The following RTF1 variants were observed in gnomAD, a reference collection of about 807,000 sequenced individuals.
RTF1 encodes the protein RNA polymerase-associated protein RTF1 homolog.
Under a neutral mutation model 95.7 loss-of-function variants are expected in RTF1, and 10 were observed. That is an observed-to-expected ratio of 0.10 (90% confidence interval 0.06 to 0.18). RTF1 has a LOEUF of 0.18. Ranked by LOEUF, RTF1 falls within the 10% of genes least tolerant of loss-of-function variation. The pLI, the probability that RTF1 is intolerant of heterozygous loss-of-function variation, is 1.00. For synonymous variants in RTF1, 305 were observed against 311.8 expected, an observed-to-expected ratio of 0.98 and a Z score of 0.23; for missense variants, 458 against 875.6, an observed-to-expected ratio of 0.52 and a Z score of 6.02.
intron 1 of RTF1, among the ~76,000 whole-genome samples, chr15:41,418,784 C>T (rs895260685): frequency 1.9e-5 from 1 of 52,854 alleles, no homozygotes; most frequent in African/African-American, 6.3e-5. Context: ...AACTCCATCA[C>T]AAAAAAAAAA....
Position 41,476,437 on chromosome 15 carries a change from C to T in RTF1, c.1483-9C>T. 6.2e-7 allele frequency: 1 copy of T among 1,612,212 alleles called. No individual in the cohort carries two copies. Among genetic ancestry groups the T allele is most frequent in the Non-Finnish European group, 8.5e-7 (1 of 1,178,454 alleles). ...ATACCTCACTGCTGGTATCTCCTCT[C>T]TGGTACAGATTGTAAAAGAGAAAGA... On this transcript the variant is annotated splice_polypyrimidine_tract_variant and intron_variant, in intron 11 of 17. Transcript: ENST00000389629.
intron 10 of RTF1, 45 bp from the exon 11 acceptor site, chr15:41,475,667 T>C (rs900705094): frequency 2.5e-6 from 4 of 1,602,118 alleles, no homozygotes; most frequent in East Asian, 2.2e-5. Context: ...AAAATATCTT[T>C]CCAAAATCCC....
At chr15:41,420,667 A>G (rs2140943022) in intron 1 of RTF1, among the ~76,000 whole-genome samples, 1 of 152,180 alleles carries the variant, frequency 6.6e-6, no homozygotes, top group African/African-American at 2.4e-5. Flanking sequence ...CTGAGCCATT[A>G]TGTCAAAAAT....
At chr15:41,422,499 T>C (rs1342957434) in intron 1 of RTF1, among the ~76,000 whole-genome samples, 2 of 152,146 alleles carry the variant, frequency 1.3e-5, no homozygotes, top group Non-Finnish European at 2.9e-5. Context: ...TATGGAATAA[T>C]ATTTATGCAG....
At chr15:41,478,714 A>G (rs2050954896) in intron 15 of RTF1, 89 bp downstream of exon 15, 2 of 1,170,500 alleles carry the variant, frequency 1.7e-6, no homozygotes, top group African/African-American at 1.5e-5. Context: ...GAAGTTAAAA[A>G]TAATGTTTTC....
rs1237000511 is a variant in RTF1 at position 41,417,185 on chromosome 15, G to C, written c.70G>C (p.Gly24Arg). The C allele has an allele frequency of 1.2e-5, 15 of 1,263,672 alleles. No homozygotes were observed. Among genetic ancestry groups the C allele is most frequent in the Non-Finnish European group, 1.4e-5 (14 of 1,000,140 alleles). The allele number at this position is 1,263,672 out of a possible 1,614,324, so 78.3% of individuals were successfully genotyped here. A position where few individuals can be genotyped will look rare whatever the true frequency, so the allele number is the denominator to read the frequency against. Residue 24 changes from glycine (G) to arginine (R), a missense_variant, in exon 1 of 18, where the codon GGG becomes CGG. By Grantham distance (125) the Gly-to-Arg change is moderately radical. Coordinates refer to ENST00000389629, the MANE Select transcript of RTF1 (RefSeq NM_015138.5). ...GGCAGTGGCGGTCCCACTGGCAGGC[G>C]GGCAAGAGGGGAGTCCGGGCGGCGG... ...AAAVAVPLAG[G>R]QEGSPGGGRR... is the part of the protein sequence containing the mutation.
At chr15:41,456,130 C>T (rs139035607) in intron 3 of RTF1, among the ~76,000 whole-genome samples, 5 of 149,536 alleles carry the variant, frequency 3.3e-5, no homozygotes, top group Non-Finnish European at 7.4e-5. Context: ...TGCTTGAACC[C>T]GAGAGGTAGA....
chr15:41,468,982 T>C (rs2050895697), intron 6 of RTF1, among the ~76,000 whole-genome samples: 1 of 152,160 alleles, frequency 6.6e-6, no homozygotes, highest in South Asian at 2.1e-4. Context: ...CTCTCTCTCT[T>C]TTTTGAGACA....
intron 8 of RTF1, among the ~76,000 whole-genome samples, chr15:41,472,071 G>C (rs2050915011): frequency 6.6e-6 from 1 of 151,442 alleles, no homozygotes; most frequent in African/African-American, 2.4e-5. Context: ...GCTAATTTTT[G>C]TATTTTTAGT....
intron 1 of RTF1, among the ~76,000 whole-genome samples, chr15:41,436,920 C>G (rs1297221734): frequency 4.6e-5 from 7 of 151,386 alleles, no homozygotes; most frequent in Non-Finnish European, 8.8e-5. Context: ...AACCCCGTCT[C>G]TACTAAAATA....
At chr15:41,473,906 A>C (rs538948604) in intron 8 of RTF1, among the ~76,000 whole-genome samples, 1 of 152,182 alleles carries the variant, frequency 6.6e-6, no homozygotes, top group Non-Finnish European at 1.5e-5. Context: ...GCGTGGTGGC[A>C]TGTGCCTGTA....
In RTF1 at chr15:41,475,718, T is replaced by A. The variant is rs2050938946; in HGVS notation, c.1381T>A (p.Ser461Thr). 1 of 1,609,396 alleles carries A rather than the reference T, an allele frequency of 6.2e-7. No homozygotes were observed. Among genetic ancestry groups the A allele is most frequent in the East Asian group, 2.2e-5 (1 of 44,866 alleles). Residue 461 changes from serine (S) to threonine (T), a missense_variant, in exon 11 of 18, where the codon TCT becomes ACT. Transcript: ENST00000389629. ...EFMKWKEAMF[S>T]AGMQLPTLDE... ...TATCGTGTTTTTGATCCAGATGTTCTCTGCTGGCATGCAGTTGCCCACTCT... is the reference window on the plus strand; with the variant it reads ...TATCGTGTTTTTGATCCAGATGTTCACTGCTGGCATGCAGTTGCCCACTCT...
At chr15:41,468,608 C>T (rs959553742) in intron 6 of RTF1, among the ~76,000 whole-genome samples, 17 of 152,236 alleles carry the variant, frequency 1.1e-4, no homozygotes, top group African/African-American at 2.9e-4. Flanking sequence ...TGAGCCACCG[C>T]ACCCGGCCTA....
chr15:41,477,639 C>G (rs957904798), intron 14 of RTF1, 124 bp downstream of exon 14: 56 of 809,742 alleles, frequency 6.9e-5, no homozygotes, highest in African/African-American at 6.8e-4. Flanking sequence ...CGTATACACA[C>G]TCTCTCTGTA....
intron 4 of RTF1, among the ~76,000 whole-genome samples, chr15:41,460,241 G>T (rs2140961961): frequency 6.6e-6 from 1 of 150,994 alleles, no homozygotes; most frequent in Middle Eastern, 3.4e-3. Flanking sequence ...TCCTGCCTCA[G>T]CCTCCCAAGC....
At chr15:41,470,701 C>T (rs1045267047) in intron 7 of RTF1, among the ~76,000 whole-genome samples, 1 of 143,514 alleles carries the variant, frequency 7.0e-6, no homozygotes, top group African/African-American at 2.6e-5. Flanking sequence ...CTCTGTCGCC[C>T]AGGCTGGAGT....
At chr15:41,424,238 A>G (rs2050617582) in intron 1 of RTF1, among the ~76,000 whole-genome samples, 1 of 152,196 alleles carries the variant, frequency 6.6e-6, no homozygotes, top group African/African-American at 2.4e-5. Context: ...AGCAAGGACA[A>G]GAATACTGTG....
chr15:41,430,708 T>C (rs2050665167), intron 1 of RTF1, among the ~76,000 whole-genome samples: 1 of 151,530 alleles, frequency 6.6e-6, no homozygotes, highest in Non-Finnish European at 1.5e-5. Flanking sequence ...ACCACTGCAC[T>C]CTTGTCTAGG....
chr15:41,420,547 G>T (rs551991966), intron 1 of RTF1, among the ~76,000 whole-genome samples: 14 of 151,978 alleles, frequency 9.2e-5, no homozygotes, highest in Non-Finnish European at 2.1e-4. Context: ...GCTGTCTAGC[G>T]TATGGTACTT....
Sources: gnomAD v4.1 joint callset for allele counts (sites outside exome capture counted in the v4.1 genomes callset) on GRCh38, gnomAD v4.1.1 for gene constraint, MANE v1.5 for transcripts, NCBI Gene and HGNC (gene_info 2026-07-23, HGNC 2026-07-21) for gene names.